Variants in RPH3A observed in about 807,000 individuals in gnomAD.
RPH3A encodes the protein rabphilin 3A.
RPH3A carries 48 observed loss-of-function variants against 102.2 expected under a neutral mutation model. That is an observed-to-expected ratio of 0.47 (90% CI 0.37 to 0.60). The LOEUF is 0.60. Among genes scored for constraint, RPH3A ranks in the 20% least tolerant of loss-of-function variants. The pLI is 0.00. For synonymous variants in RPH3A, 310 were observed against 324.3 expected (o/e 0.96, Z 0.47); for missense variants, 781 against 910.1 (o/e 0.86, Z 1.83).
At chr12:112,657,433 G>T (rs1005541794) in intron 1 of RPH3A, among the ~76,000 whole-genome samples, 2 of 152,090 alleles carry the variant, frequency 1.3e-5, no homozygotes, top group African/African-American at 2.4e-5. Flanking sequence ...CAGTGACATA[G>T]ACATTTATTA....
At chr12:112,587,595 A>G (rs979420973) in intron 1 of RPH3A, among the ~76,000 whole-genome samples, 1 of 152,056 alleles carries the variant, frequency 6.6e-6, no homozygotes. Context: ...CTCTTATTTC[A>G]TTCAGGTTTT....
intron 1 of RPH3A, among the ~76,000 whole-genome samples, chr12:112,583,712 C>T (rs1469514026): frequency 6.6e-6 from 1 of 152,162 alleles, no homozygotes; most frequent in Non-Finnish European, 1.5e-5. Flanking sequence ...TGGCCATGCG[C>T]GGTGGCTCAT....
intron 13 of RPH3A, among the ~76,000 whole-genome samples, chr12:112,877,773 A>G (rs375738213): frequency 4.7e-4 from 72 of 152,362 alleles, no homozygotes; most frequent in African/African-American, 1.7e-3. Context: ...AATGGAAATC[A>G]TTATTACATA....
At chr12:112,703,981 G>T (rs889247222) in intron 1 of RPH3A, among the ~76,000 whole-genome samples, 1 of 152,130 alleles carries the variant, frequency 6.6e-6, no homozygotes, top group Non-Finnish European at 1.5e-5. Flanking sequence ...TCCCAGATCA[G>T]ACTTGAGCTA....
At chr12:112,889,213 C>T (rs7966149) in intron 17 of RPH3A, among the ~76,000 whole-genome samples, 75,391 of 152,156 alleles carry the variant, frequency 0.5, 19,975 homozygotes, top group African/African-American at 0.68. Context: ...GAATGAGGCC[C>T]TTCTTCTGGG....
intron 5 of RPH3A, among the ~76,000 whole-genome samples, chr12:112,849,239 G>A (rs987713750): frequency 6.6e-6 from 1 of 152,214 alleles, no homozygotes; most frequent in South Asian, 2.1e-4. Flanking sequence ...TTGTTGACAA[G>A]TGACAAACAT....
chr12:112,676,744 C>A (rs1290311426), intron 1 of RPH3A, among the ~76,000 whole-genome samples: 2 of 151,628 alleles, frequency 1.3e-5, no homozygotes, highest in Non-Finnish European at 1.5e-5. Flanking sequence ...TCTTAGAGCA[C>A]ACCGTAGGCA....
rs188080301 is a variant in RPH3A, at chr12:112,799,803, G to A, written c.-19+7540G>A. On this transcript the variant is annotated intron_variant, in intron 2 of 21. Transcript: ENST00000389385. ...TTCAATGCCCAAGCTTCTCAAACTT[G>A]AGCCTGCATCAGAACCCCTTGCAGG... Among the ~76,000 whole-genome samples, 72 of 152,346 alleles carry A rather than the reference G, an allele frequency of 4.7e-4. No homozygotes were observed. The Middle Eastern group carries it at 0.02, about 43-fold the overall frequency.
intron 1 of RPH3A, among the ~76,000 whole-genome samples, chr12:112,592,765 G>A (rs2039488866): frequency 6.6e-6 from 1 of 152,206 alleles, no homozygotes; most frequent in South Asian, 2.1e-4. Flanking sequence ...AGACAATAAT[G>A]TTCCTCAGGT....
chr12:112,603,151 T>C (rs931520550), intron 1 of RPH3A, among the ~76,000 whole-genome samples: 1 of 152,112 alleles, frequency 6.6e-6, no homozygotes, highest in African/African-American at 2.4e-5. Flanking sequence ...TTCCCCCAGG[T>C]GTAGGGAGAG....
chr12:112,870,732 TG>T (rs1338419002), intron 10 of RPH3A, among the ~76,000 whole-genome samples: 1 of 152,196 alleles, frequency 6.6e-6, no homozygotes, highest in African/African-American at 2.4e-5. Context: ...CTGAATTGTG[TG>T]TTTGTAGCTT....
intron 1 of RPH3A, among the ~76,000 whole-genome samples, chr12:112,638,931 C>T (rs967772288): frequency 6.6e-6 from 1 of 152,138 alleles, no homozygotes; most frequent in Non-Finnish European, 1.5e-5. Flanking sequence ...GGACAGCTCC[C>T]ATTGATTGGC....
intron 1 of RPH3A, among the ~76,000 whole-genome samples, chr12:112,723,775 T>C (rs867178786): frequency 6.6e-6 from 1 of 152,222 alleles, no homozygotes; most frequent in East Asian, 1.9e-4. Context: ...CTCACTGAAA[T>C]AGCAATAGAA....
At chr12:112,622,190 G>A (rs1592912351) in intron 1 of RPH3A, among the ~76,000 whole-genome samples, 1 of 104,620 alleles carries the variant, frequency 9.6e-6, no homozygotes, top group Non-Finnish European at 1.7e-5. Context: ...CACCAGCAAC[G>A]GAACAAAGCT....
chr12:112,671,132 T>C (rs1239114884), intron 1 of RPH3A, among the ~76,000 whole-genome samples: 1 of 152,266 alleles, frequency 6.6e-6, no homozygotes, highest in Non-Finnish European at 1.5e-5. Flanking sequence ...TGATTGTGTC[T>C]GACTTTGAAA....
intron 1 of RPH3A, among the ~76,000 whole-genome samples, chr12:112,576,908 C>CTTTTTTTTTT (rs1491257403): frequency 1.1e-5 from 1 of 89,872 alleles, no homozygotes; most frequent in Admixed American, 1.1e-4. Context: ...TTCTTTTCTT[C>CTTTTTTTTTT]CTTTTTTTTT....
chr12:112,729,382 C>T (rs1442951286), intron 1 of RPH3A, among the ~76,000 whole-genome samples: 2 of 152,134 alleles, frequency 1.3e-5, no homozygotes, highest in African/African-American at 4.8e-5. Flanking sequence ...GACAGGGTTT[C>T]ACCATGTTGC....
At chr12:112,735,442 C>T (rs925228071) in intron 1 of RPH3A, among the ~76,000 whole-genome samples, 9 of 152,190 alleles carry the variant, frequency 5.9e-5, no homozygotes, top group African/African-American at 1.9e-4. Context: ...CCTCATTAAA[C>T]CTAGCAGAAA....
At chr12:112,693,656 C>T (rs1382332173) in intron 1 of RPH3A, among the ~76,000 whole-genome samples, 1 of 152,202 alleles carries the variant, frequency 6.6e-6, no homozygotes, top group East Asian at 1.9e-4. Flanking sequence ...CCCTCTGGAT[C>T]TTTGTATGGC....
Sources: allele counts gnomAD v4.1 joint callset (sites outside exome capture counted in the v4.1 genomes callset), GRCh38; gene constraint gnomAD v4.1.1; transcripts MANE v1.5; gene names NCBI Gene and HGNC (gene_info 2026-07-23, HGNC 2026-07-21).